USP39: variants seen among roughly 807,000 people sequenced by gnomAD.
The protein encoded by USP39 is ubiquitin carboxyl-terminal hydrolase 39.
USP39 carries 38 observed loss-of-function variants against 66.4 expected under a neutral mutation model. The observed-to-expected ratio is 0.57, with a 90% confidence interval of 0.44 to 0.75. The LOEUF is 0.75. Ranked by LOEUF, USP39 falls within the 30% of genes least tolerant of loss-of-function variation. USP39 has a pLI of 0.00. For missense variants in USP39, 608 were observed against 714.4 expected (o/e 0.85, Z 1.70); for synonymous variants, 303 against 274.6 (o/e 1.10, Z -1.02).
At chr2:85,611,706 CG>C, upstream of USP39, 1 of 1,588,174 alleles carries the variant, frequency 6.3e-7, no homozygotes, top group Non-Finnish European at 8.6e-7. Flanking sequence ...GTCTGGCTTG[CG>C]GGGCCGCGTC....
chr2:85,639,539 C>G (rs1051551933), intron 9 of USP39, 148 bp downstream of exon 9: 23 of 744,994 alleles, frequency 3.1e-5, no homozygotes, highest in Admixed American at 6.5e-5. Context: ...ACTGCAATCT[C>G]TACCTCCCAG....
intron 2 of USP39, 23 bp downstream of exon 2, chr2:85,619,312 G>C (rs1257183936): frequency 1.2e-6 from 2 of 1,609,624 alleles, no homozygotes; most frequent in African/African-American, 2.7e-5. Flanking sequence ...GAGATGCTGA[G>C]TATAGCACAA....
At chr2:85,612,374 T>A, upstream of USP39, 1 of 1,535,844 alleles carries the variant, frequency 6.5e-7, no homozygotes. Context: ...TAGGATGCTG[T>A]GCAATCCATC....
At chr2:85,617,939 A>G (rs955031504) in intron 1 of USP39, among the ~76,000 whole-genome samples, 7 of 148,836 alleles carry the variant, frequency 4.7e-5, no homozygotes, top group Non-Finnish European at 7.4e-5. Context: ...TGGTAGATTT[A>G]TAGATACACA....
At chr2:85,615,745 C>T (rs767642537), upstream of USP39, among the ~76,000 whole-genome samples, 10 of 152,248 alleles carry the variant, frequency 6.6e-5, no homozygotes, top group Admixed American at 6.5e-5. Flanking sequence ...ATTCTCCTGC[C>T]TTAGCCTCCC....
chr2:85,617,498 T>C (rs1674081958), intron 1 of USP39, among the ~76,000 whole-genome samples: 1 of 152,102 alleles, frequency 6.6e-6, no homozygotes, highest in African/African-American at 2.4e-5. Context: ...AAGATAGAAA[T>C]GGTGTCTCCC....
At chr2:85,645,303 G>T (rs1228521496) in intron 11 of USP39, 6 of 480,644 alleles carry the variant, frequency 1.2e-5, no homozygotes, top group South Asian at 2.5e-5. Flanking sequence ...TTGAGACAGG[G>T]TCTCGCTCTG....
chr2:85,618,755 A>G (rs999086076), intron 1 of USP39, among the ~76,000 whole-genome samples: 1 of 151,364 alleles, frequency 6.6e-6, no homozygotes, highest in Non-Finnish European at 1.5e-5. Flanking sequence ...GGCTTGTTCT[A>G]TTAGTGGGCT....
Position 85,648,831 on chromosome 2 carries a change from C to T in USP39, c.*23C>T, listed in dbSNP as rs767554874. ...TGAAGGAGGCGTCTAGGGCTTTGCT[C>T]CCAAGGGCTGTGGCTGATGATGGTA... On this transcript the variant is annotated 3_prime_UTR_variant, in exon 13 of 13. Coordinates refer to ENST00000323701, the MANE Select transcript of USP39 (RefSeq NM_006590.4). The T allele has an allele frequency of 3.7e-6, 6 of 1,613,656 alleles. No individual in the cohort carries two copies. The highest frequency in any genetic ancestry group is 1.7e-4 in the Middle Eastern group (1 of 6,008).
chr2:85,603,950 C>T (rs536121710), intron 1 of USP39, among the ~76,000 whole-genome samples: 1 of 152,292 alleles, frequency 6.6e-6, no homozygotes, highest in East Asian at 1.9e-4. Flanking sequence ...AGAAGTGTGC[C>T]TGGCATTCTG....
At chr2:85,612,465 C>G, upstream of USP39, 1 of 1,221,838 alleles carries the variant, frequency 8.2e-7, no homozygotes, top group Non-Finnish European at 1.2e-6. Context: ...ACCTAGAGCA[C>G]CTACCTCAAA....
At chr2:85,626,920 A>G (rs904493550) in intron 5 of USP39, among the ~76,000 whole-genome samples, 1 of 151,734 alleles carries the variant, frequency 6.6e-6, no homozygotes, top group Non-Finnish European at 1.5e-5. Context: ...GAGTTTTAGT[A>G]GTTTTAGTTT....
At chr2:85,609,790 C>T (rs1459202873), upstream of USP39, among the ~76,000 whole-genome samples, 1 of 152,074 alleles carries the variant, frequency 6.6e-6, no homozygotes, top group African/African-American at 2.4e-5. Context: ...AAGCGATTCT[C>T]CTGCCTCAGC....
chr2:85,624,832 A>G (rs1674722287), intron 4 of USP39, among the ~76,000 whole-genome samples: 1 of 151,958 alleles, frequency 6.6e-6, no homozygotes, highest in Non-Finnish European at 1.5e-5. Flanking sequence ...GCATGATGGC[A>G]CATGCCTGTA....
At chr2:85,629,486 AT>A (rs1675150868) in intron 5 of USP39, among the ~76,000 whole-genome samples, 2 of 142,766 alleles carry the variant, frequency 1.4e-5, no homozygotes, top group South Asian at 4.4e-4. Flanking sequence ...CCTTTTGACC[AT>A]TTTCTCTTTC....
At chr2:85,639,731 GCCA>G (rs1676085157) in intron 9 of USP39, 1 of 183,258 alleles carries the variant, frequency 5.5e-6, no homozygotes, top group African/African-American at 2.4e-5. Flanking sequence ...ACAGGCGTGG[GCCA>G]CCACACCTGG....
upstream of USP39, among the ~76,000 whole-genome samples, chr2:85,612,912 C>T (rs1673659255): frequency 1.3e-5 from 2 of 151,644 alleles, no homozygotes; most frequent in South Asian, 2.1e-4. Context: ...CCGCCTGCCT[C>T]GGCCTCCCAA....
At position 85,619,231 on chromosome 2, in the gene USP39, C is replaced by T. The variant is rs775916424; in HGVS notation, c.280C>T (p.Arg94Ter). 3.1e-6 allele frequency: 5 copies of T among 1,613,724 alleles called. No individual in the cohort carries two copies. The highest frequency in any genetic ancestry group is 2.2e-5 in the South Asian group (2 of 91,016). Residue 94 changes from arginine (R) to a stop codon, truncating the protein, a stop_gained, in exon 2 of 13, where the codon CGA becomes TGA. Transcript: ENST00000323701. LOFTEE classifies it high-confidence loss of function. ...GATTTTCCTTTCAGCAAAGAATGGC[C>T]GAGTGGATTCTGAGGACCGGAGGAG... ...PEREVRAKNG[R>*]VDSEDRRSRH...
chr2:85,626,360 C>T (rs1377163139), intron 5 of USP39, among the ~76,000 whole-genome samples: 2 of 152,074 alleles, frequency 1.3e-5, no homozygotes, highest in East Asian at 1.9e-4. Context: ...ACTCCTCCGT[C>T]TCAAAAAAAG....
Sources: gnomAD v4.1 joint callset for allele counts (sites outside exome capture counted in the v4.1 genomes callset) on GRCh38, gnomAD v4.1.1 for gene constraint, MANE v1.5 for transcripts, NCBI Gene and HGNC (gene_info 2026-07-23, HGNC 2026-07-21) for gene names.